SLC47A2: variants seen among roughly 807,000 people sequenced by gnomAD.
The protein encoded by SLC47A2 is solute carrier family 47 member 2.
In SLC47A2, 52 loss-of-function variants were observed where a neutral mutation model predicts 67.7. That is an observed-to-expected ratio of 0.77 (90% CI 0.61 to 0.97). SLC47A2 has a LOEUF of 0.97. Ranked by LOEUF, SLC47A2 falls within the 50% of genes least tolerant of loss-of-function variation. The pLI is 0.00. For missense variants in SLC47A2, 676 were observed against 712.3 expected (o/e 0.95, Z 0.58); for synonymous variants, 278 against 292.9 (o/e 0.95, Z 0.52).
intron 12 of SLC47A2, 66 bp from the exon 13 acceptor site, chr17:19,702,740 T>A: frequency 1.3e-6 from 2 of 1,527,588 alleles, no homozygotes; most frequent in Non-Finnish European, 1.8e-6. Flanking sequence ...ATATCCCTTC[T>A]ATTCCACACC....
intron 13 of SLC47A2, among the ~76,000 whole-genome samples, chr17:19,698,169 G>A (rs1276874650): frequency 6.6e-6 from 1 of 152,102 alleles, no homozygotes; most frequent in Non-Finnish European, 1.5e-5. Flanking sequence ...AGCGATGTTG[G>A]AGGAGTGATA....
At position 19,714,795 on chromosome 17, in the gene SLC47A2, G is replaced by A. The variant is rs79960553; in HGVS notation, c.226-6C>T. ...ACTCCGCAGACATTGACAAACTGGC[G>A]CCACACACAGGAGGAAACAAGAGCT... On this transcript the variant is annotated splice_region_variant and splice_polypyrimidine_tract_variant and intron_variant, in intron 2 of 16. Transcript: ENST00000433844. 11,754 of 1,613,944 alleles carry A rather than the reference G, an allele frequency of 7.3e-3. 59 individuals carry two copies. The highest frequency in any genetic ancestry group is 0.025 in the East Asian group (1,136 of 44,880).
rs768794929 is a variant in SLC47A2, at chr17:19,715,183, A to G, written c.158T>C (p.Ile53Thr). ...GTGCCCGCAGAACACAGTGCTCACG[A>G]TGTAGATCATAAAAGTCAGCACCTG... ...LFQVLTFMIY[I>T]VSTVFCGHLG... The change falls in exon 2 of 17, where the codon ATC becomes ACC. Residue 53 changes from isoleucine to threonine, a missense_variant. Ile to Thr is a moderately conservative substitution (Grantham distance 89). Coordinates refer to ENST00000433844, the MANE Select transcript of SLC47A2 (RefSeq NM_001099646.3). 6.2e-7 allele frequency: 1 copy of G among 1,611,744 alleles called. No homozygotes were observed. Among genetic ancestry groups the G allele is most frequent in the East Asian group, 2.2e-5 (1 of 44,876 alleles).
chr17:19,681,556 C>T lies in SLC47A2; in HGVS notation c.1279G>A (p.Val427Ile), dbSNP rs751938252. Residue 427 changes from valine (V) to isoleucine (I), a missense_variant, in exon 14 of 17, where the codon GTC (valine) becomes ATC (isoleucine). By Grantham distance (29) the Val-to-Ile change is conservative. Coordinates refer to ENST00000433844, the MANE Select transcript of SLC47A2 (RefSeq NM_001099646.3). ...CACATACCCATGATTCTCATTCTGA[C>T]CACAAAGGTCAGAAGGATGCCCAGT... Reference protein sequence around the residue: ...LPLGILLTFVVRMRIMGLWLG... With the variant: ...LPLGILLTFVIRMRIMGLWLG... 1.2e-6 allele frequency: 2 copies of T among 1,614,176 alleles called. No individual in the cohort carries two copies. The highest frequency in any genetic ancestry group is 1.7e-6 in the Non-Finnish European group (2 of 1,180,040).
chr17:19,714,079 CG>C, intron 3 of SLC47A2, 106 bp from the exon 4 acceptor site: 1 of 1,455,926 alleles, frequency 6.9e-7, no homozygotes, highest in South Asian at 1.4e-5. Context: ...GTGGCGGACC[CG>C]GCGGCCTCTG....
chr17:19,707,339 T>C (rs2085968221), intron 8 of SLC47A2, among the ~76,000 whole-genome samples: 1 of 152,204 alleles, frequency 6.6e-6, no homozygotes, highest in Non-Finnish European at 1.5e-5. Flanking sequence ...GCAAATTACT[T>C]AACCTCCGTC....
At chr17:19,678,982 T>A in intron 16 of SLC47A2, 76 bp from the exon 17 acceptor site, 1 of 1,267,880 alleles carries the variant, frequency 7.9e-7, no homozygotes, top group Non-Finnish European at 1.1e-6. Context: ...TCGGGAAACC[T>A]AGGTTAACCA....
intron 2 of SLC47A2, 125 bp downstream of exon 2, chr17:19,714,989 AGC>A: frequency 7.9e-7 from 1 of 1,273,496 alleles, no homozygotes; most frequent in Non-Finnish European, 1.1e-6. Context: ...CTGTGAAGGC[AGC>A]TGTCCAGCCA....
chr17:19,704,108 T>C lies in SLC47A2; in HGVS notation c.980A>G (p.Gln327Arg). The C allele has an allele frequency of 6.2e-7, 1 of 1,611,986 alleles. No homozygotes were observed. The highest frequency in any genetic ancestry group is 8.5e-7 in the Non-Finnish European group (1 of 1,179,788). Reference protein sequence around the residue: ...GMALGAADTVQAKRSAVSGVL... With the variant: ...GMALGAADTVRAKRSAVSGVL... The stretch of plus-strand genomic sequence containing the variant: ...GCCCGAGACGGCCGAGCGCTTGGCC[T>C]GCACAGTATCCGCAGCCCCCAGAGC... The change falls in exon 11 of 17, where the codon CAG becomes CGG. Residue 327 changes from glutamine to arginine, a missense_variant. By Grantham distance (43) the Gln-to-Arg change is conservative. Coordinates refer to ENST00000433844, the MANE Select transcript of SLC47A2 (RefSeq NM_001099646.3).
chr17:19,685,717 T>C lies in SLC47A2; in HGVS notation c.1165-4047A>G, dbSNP rs1359607001. ...AAACCAGAGACCTTTGTTCTGGTGT[T>C]TATCTGCTGGCCTTCTCTCCACTAT... On this transcript the variant is annotated intron_variant, in intron 13 of 16. Coordinates refer to ENST00000433844, the MANE Select transcript of SLC47A2 (RefSeq NM_001099646.3). This position sits in a 1 kb window ranked among gnomAD's most constrained non-coding sequence, Gnocchi z 4.5. Among the ~76,000 whole-genome samples, 3 of 152,182 alleles carry C rather than the reference T, an allele frequency of 2.0e-5. No homozygotes were observed. Among genetic ancestry groups the C allele is most frequent in the African/African-American group, 7.2e-5 (3 of 41,448 alleles).
chr17:19,706,547 AG>A (rs1225375830), intron 9 of SLC47A2, 100 bp downstream of exon 9: 11 of 939,528 alleles, frequency 1.2e-5, no homozygotes, highest in Non-Finnish European at 1.7e-5. Context: ...CATCCTGGGG[AG>A]GGGGCTTCTG....
In SLC47A2 at chr17:19,716,472, C is replaced by T; in HGVS notation, c.84G>A (p.Gly28=). 1 of 1,612,588 alleles carries T rather than the reference C, an allele frequency of 6.2e-7. No individual in the cohort carries two copies. The highest frequency in any genetic ancestry group is 8.5e-7 in the Non-Finnish European group (1 of 1,179,416). ...GGGCAAAGAGAGTCCACATCTCAGT[C>T]CCAAAGCCTCTGGGAACCAGCCTGC... ...ALSRLVPRGF[G]TEMWTLFALS... is the part of the protein sequence containing the mutation. The change falls in exon 1 of 17, where the codon GGG becomes GGA. Residue 28 remains glycine (G), a synonymous_variant. Coordinates refer to ENST00000433844, the MANE Select transcript of SLC47A2 (RefSeq NM_001099646.3).
chr17:19,707,928 A>T, intron 7 of SLC47A2, 85 bp from the exon 8 acceptor site: 3 of 1,293,180 alleles, frequency 2.3e-6, no homozygotes, highest in Non-Finnish European at 2.2e-6. Flanking sequence ...TCTGGCGGCC[A>T]GCCCGTGTGG....
chr17:19,693,629 T>G (rs2085592378), intron 13 of SLC47A2, among the ~76,000 whole-genome samples: 1 of 149,356 alleles, frequency 6.7e-6, no homozygotes, highest in Non-Finnish European at 1.5e-5. Flanking sequence ...ATAATAATAA[T>G]AATAATAAAT....
intron 13 of SLC47A2, 97 bp from the exon 14 acceptor site, chr17:19,681,767 G>T: frequency 2.8e-6 from 4 of 1,440,588 alleles, no homozygotes; most frequent in South Asian, 1.3e-5. Context: ...GCATGGCATT[G>T]CTTCACTGAG....
chr17:19,714,586 C>G (rs532396251), intron 3 of SLC47A2, 135 bp downstream of exon 3: 1 of 954,098 alleles, frequency 1.0e-6, no homozygotes, highest in East Asian at 2.4e-5. Flanking sequence ...GGAGGTAGGG[C>G]AGGGGCAGCT....
intron 16 of SLC47A2, 124 bp downstream of exon 16, chr17:19,679,828 T>A: frequency 1.1e-6 from 1 of 915,432 alleles, no homozygotes; most frequent in Non-Finnish European, 1.6e-6. Context: ...TTCATAATAA[T>A]GGGAAGAAAA....
At position 19,714,705 on chromosome 17, in the gene SLC47A2, C is replaced by G; in HGVS notation, c.294+16G>C. The stretch of plus-strand genomic sequence containing the variant: ...CCCTTGCCTGGCTTCCTGCCCAGCT[C>G]CAGGAGGCCACCCACCTGAGACATC... On this transcript the variant is annotated intron_variant, in intron 3 of 16. Coordinates refer to ENST00000433844, the MANE Select transcript of SLC47A2 (RefSeq NM_001099646.3). 1 of 1,613,794 alleles carries G rather than the reference C, an allele frequency of 6.2e-7. No individual in the cohort carries two copies. Among genetic ancestry groups the G allele is most frequent in the Non-Finnish European group, 8.5e-7 (1 of 1,179,954 alleles).
At chr17:19,692,283 G>A in intron 13 of SLC47A2, 1 of 431,648 alleles carries the variant, frequency 2.3e-6, no homozygotes. Flanking sequence ...GCTTACCAAG[G>A]ATCTGATCTT....
Sources: gnomAD v4.1 joint callset for allele counts (sites outside exome capture counted in the v4.1 genomes callset) on GRCh38, gnomAD v4.1.1 for gene constraint, Gnocchi (gnomAD v3.1) non-coding constraint, MANE v1.5 for transcripts, NCBI Gene and HGNC (gene_info 2026-07-23, HGNC 2026-07-21) for gene names.